The following ROBO1 variants were observed in gnomAD, a reference collection of about 807,000 sequenced individuals.
ROBO1 encodes roundabout homolog 1.
Under a neutral mutation model 195.9 loss-of-function variants are expected in ROBO1, and 149 were observed. The ratio of observed to expected loss-of-function variants is 0.76; its 90% CI spans 0.67 to 0.87. The LOEUF is 0.87. ROBO1 is among the 40% of genes least tolerant of loss of function. The probability of loss-of-function intolerance (pLI) is 0.00; values close to 1 mark genes in which losing one functional copy is unlikely to be tolerated. For synonymous variants in ROBO1, 816 were observed against 733.2 expected (o/e 1.11, Z -1.82); for missense variants, 1,933 against 2,068.3 (o/e 0.93, Z 1.27).
chr3:78,866,521 T>A (rs1414317563), intron 4 of ROBO1, among the ~76,000 whole-genome samples: 1 of 152,222 alleles, frequency 6.6e-6, no homozygotes, highest in African/African-American at 2.4e-5. Context: ...TTTCCTTGAA[T>A]GTACATGGTT....
Position 79,756,550 on chromosome 3 carries a change from CA to C in ROBO1, c.-51+11201del, listed in dbSNP as rs147939503. On this transcript the variant is annotated intron_variant, in intron 1 of 30. Transcript: ENST00000464233. ...GGGCAAAATGAGCGAAGCACCATCT[CA>C]AAAAAAAAAAAAAAAAAAAAAAGTA... Among the ~76,000 whole-genome samples the C allele has an allele frequency of 2.6e-3, 276 of 106,354 alleles. 1 individual carries two copies. Among genetic ancestry groups the C allele is most frequent in the African/African-American group, 4.6e-3 (122 of 26,786 alleles). 69.8% of individuals were successfully genotyped at this position (106,354 alleles called of 152,430 possible). A position where few individuals can be genotyped will look rare whatever the true frequency, so the allele number is the denominator to read the frequency against.
chr3:79,445,863 A>G (rs1185015867), intron 2 of ROBO1, among the ~76,000 whole-genome samples: 1 of 151,990 alleles, frequency 6.6e-6, no homozygotes, highest in Non-Finnish European at 1.5e-5. Flanking sequence ...CGTGTTAGCC[A>G]GTATGGTCGC....
chr3:79,303,767 TCTC>T (rs1258382415), intron 2 of ROBO1, among the ~76,000 whole-genome samples: 2 of 152,096 alleles, frequency 1.3e-5, no homozygotes, highest in Non-Finnish European at 2.9e-5. Flanking sequence ...TTGACCAACA[TCTC>T]CTCAAATACC....
chr3:79,051,713 C>A (rs966420920), intron 3 of ROBO1, among the ~76,000 whole-genome samples: 1 of 152,090 alleles, frequency 6.6e-6, no homozygotes, highest in Non-Finnish European at 1.5e-5. Context: ...GAAGCCATGG[C>A]AGAAGAACAT....
In ROBO1 at chr3:79,386,898, C is replaced by CA. The variant is rs138775241; in HGVS notation, c.88+202925dup. ...ATCCTAACTTATTGTTATTTTGCATCAAAAAAAAGAGAAGAAAATTAAGCT... is the reference window on the plus strand; with the variant it reads ...ATCCTAACTTATTGTTATTTTGCATCAAAAAAAAAGAGAAGAAAATTAAGCT... On this transcript the variant is annotated intron_variant, in intron 2 of 30. Coordinates refer to ENST00000464233, the MANE Select transcript of ROBO1 (RefSeq NM_002941.4). Among the ~76,000 whole-genome samples the CA allele has an allele frequency of 2.8e-3, 427 of 151,098 alleles. 2 individuals are homozygous for CA. The highest frequency in any genetic ancestry group is 3.4e-3 in the Middle Eastern group (1 of 292).
At chr3:79,585,672 C>A (rs1342306226) in intron 2 of ROBO1, among the ~76,000 whole-genome samples, 1 of 151,914 alleles carries the variant, frequency 6.6e-6, no homozygotes, top group Non-Finnish European at 1.5e-5. Flanking sequence ...AAAATCAACT[C>A]AAATGTCTAA....
chr3:79,148,981 G>A (rs1372457937), intron 2 of ROBO1, among the ~76,000 whole-genome samples: 1 of 151,850 alleles, frequency 6.6e-6, no homozygotes, highest in African/African-American at 2.4e-5. Flanking sequence ...GTGAGTCATT[G>A]TTTCCCAGCA....
At chr3:79,189,844 A>T (rs1319266397) in intron 2 of ROBO1, among the ~76,000 whole-genome samples, 1 of 151,726 alleles carries the variant, frequency 6.6e-6, no homozygotes, top group African/African-American at 2.4e-5. Context: ...TTTTATTTCA[A>T]AAGAGCAAAT....
chr3:79,555,733 A>G (rs892557747), intron 2 of ROBO1, among the ~76,000 whole-genome samples: 1 of 152,094 alleles, frequency 6.6e-6, no homozygotes, highest in Non-Finnish European at 1.5e-5. Flanking sequence ...TCTTTTCTGT[A>G]AAACTTTAAA....
At chr3:79,518,753 T>C (rs1203383060) in intron 2 of ROBO1, among the ~76,000 whole-genome samples, 1 of 152,066 alleles carries the variant, frequency 6.6e-6, no homozygotes, top group Non-Finnish European at 1.5e-5. Flanking sequence ...CGATCTCGGC[T>C]CACTGCCTCC....
intron 3 of ROBO1, among the ~76,000 whole-genome samples, chr3:79,015,658 T>C (rs2077913481): frequency 1.3e-5 from 2 of 152,184 alleles, no homozygotes; most frequent in South Asian, 4.2e-4. Flanking sequence ...ATAGACCAAG[T>C]AATTAAAGGA....
intron 4 of ROBO1, among the ~76,000 whole-genome samples, chr3:78,829,935 T>C (rs1468639892): frequency 1.3e-5 from 2 of 152,088 alleles, no homozygotes; most frequent in African/African-American, 4.8e-5. Flanking sequence ...AACAGAGAAA[T>C]TGGGCAGGAT....
chr3:78,808,361 C>T (rs186015400), intron 4 of ROBO1, among the ~76,000 whole-genome samples: 2 of 152,116 alleles, frequency 1.3e-5, no homozygotes, highest in African/African-American at 4.8e-5. Context: ...CAAGCCACCA[C>T]GCCCAGCTAA....
intron 4 of ROBO1, among the ~76,000 whole-genome samples, chr3:78,838,313 T>C (rs868124341): frequency 9.2e-5 from 14 of 152,234 alleles, no homozygotes; most frequent in African/African-American, 3.4e-4. Context: ...TCAGGATGAA[T>C]ACATGACCAA....
At chr3:79,329,830 C>A (rs938307708) in intron 2 of ROBO1, among the ~76,000 whole-genome samples, 1 of 152,026 alleles carries the variant, frequency 6.6e-6, no homozygotes. Context: ...ATGGACATAA[C>A]CTTGTGGAGG....
chr3:78,670,427 C>G (rs9309810), intron 10 of ROBO1, 126 bp from the exon 11 acceptor site: 194,406 of 740,532 alleles, frequency 0.26, 27,016 homozygotes, highest in African/African-American at 0.43. Flanking sequence ...ATTAAAGTAG[C>G]AGACATGCAT....
At chr3:79,518,943 G>T (rs1246643081) in intron 2 of ROBO1, among the ~76,000 whole-genome samples, 2 of 151,796 alleles carry the variant, frequency 1.3e-5, no homozygotes, top group Non-Finnish European at 2.9e-5. Flanking sequence ...GCCTCCCAAA[G>T]TCCTGGGATT....
intron 4 of ROBO1, among the ~76,000 whole-genome samples, chr3:78,783,222 A>G (rs902011434): frequency 2.6e-5 from 4 of 152,134 alleles, no homozygotes; most frequent in Non-Finnish European, 5.9e-5. Flanking sequence ...GTAATTTCCC[A>G]TCATCCACCT....
At chr3:79,079,451 A>T (rs1181563853) in intron 3 of ROBO1, among the ~76,000 whole-genome samples, 1 of 151,868 alleles carries the variant, frequency 6.6e-6, no homozygotes, top group Non-Finnish European at 1.5e-5. Context: ...TTAATGAATG[A>T]ATTAAAAACA....
Sources: gnomAD v4.1 joint callset for allele counts (sites outside exome capture counted in the v4.1 genomes callset) on GRCh38, gnomAD v4.1.1 for gene constraint, MANE v1.5 for transcripts, NCBI Gene and HGNC (gene_info 2026-07-23, HGNC 2026-07-21) for gene names.